The following ADAMTS7 variants were observed in gnomAD, a reference collection of about 807,000 sequenced individuals.
ADAMTS7 encodes the protein ADAM metallopeptidase with thrombospondin type 1 motif 7.
ADAMTS7 carries 89 observed loss-of-function variants against 172.6 expected under a neutral mutation model. The ratio of observed to expected loss-of-function variants is 0.52; its 90% CI spans 0.43 to 0.61. ADAMTS7 has a LOEUF of 0.61. ADAMTS7 is among the 20% of genes least tolerant of loss of function. The probability of loss-of-function intolerance (pLI) is 0.00; values close to 1 mark genes in which losing one functional copy is unlikely to be tolerated. For missense variants in ADAMTS7, 1,973 were observed against 2,355.6 expected, an observed-to-expected ratio of 0.84 and a Z score of 3.36; for synonymous variants, 885 against 978.4, an observed-to-expected ratio of 0.90 and a Z score of 1.78.
intron 20 of ADAMTS7, 124 bp from the exon 21 acceptor site, chr15:78,764,223 C>A (rs925997345): frequency 7.4e-7 from 1 of 1,345,156 alleles, no homozygotes; most frequent in Non-Finnish European, 9.9e-7. Flanking sequence ...AGCTGAAGAA[C>A]CCCAGCGAGA....
At chr15:78,796,857 C>T in intron 3 of ADAMTS7, 71 bp from the exon 4 acceptor site, 1 of 1,380,234 alleles carries the variant, frequency 7.2e-7, no homozygotes, top group Non-Finnish European at 9.7e-7. Context: ...AGGGCCTCTC[C>T]TCAGTGAGCT....
At chr15:78,791,380 G>A (rs748590913) in intron 4 of ADAMTS7, among the ~76,000 whole-genome samples, 157 bp from the exon 5 acceptor site, 44 of 150,974 alleles carry the variant, frequency 2.9e-4, no homozygotes, top group Admixed American at 1.1e-3. Context: ...GTGGACAGGC[G>A]ATGCATGTGC....
Position 78,764,658 on chromosome 15 carries a change from C to T in ADAMTS7, c.4316G>A (p.Ser1439Asn), listed in dbSNP as rs1262960937. 2 of 1,575,552 alleles carry T rather than the reference C, an allele frequency of 1.3e-6. No homozygotes were observed. Among genetic ancestry groups the T allele is most frequent in the Non-Finnish European group, 1.7e-6 (2 of 1,169,720 alleles). Residue 1439 changes from serine to asparagine, a missense_variant, in exon 20 of 24, where the codon AGC becomes AAC. Physicochemically the swap from Ser to Asn is conservative, Grantham distance 46. Coordinates refer to ENST00000388820, the MANE Select transcript of ADAMTS7 (RefSeq NM_014272.5). ...GGCGCAGTCCTCATCCCGGCCGGAG[C>T]TACAGCGCACCGGCCTCCAGACCGC... is the stretch of plus-strand genomic sequence containing the variant. ...LGAVWRPVRC[S>N]SGRDEDCAPA...
chr15:78,785,376 C>A (rs543888590), intron 8 of ADAMTS7, among the ~76,000 whole-genome samples: 4 of 152,004 alleles, frequency 2.6e-5, no homozygotes, highest in African/African-American at 9.6e-5. Flanking sequence ...ATGGAAACCC[C>A]ATCTCTACTA....
intron 8 of ADAMTS7, 90 bp downstream of exon 8, chr15:78,788,141 C>T: frequency 1.3e-6 from 2 of 1,539,112 alleles, no homozygotes. Flanking sequence ...TTCCCTCTAC[C>T]CCGGCCCTGC....
At chr15:78,781,637 C>T (rs554967656) in intron 8 of ADAMTS7, among the ~76,000 whole-genome samples, 32 of 152,188 alleles carry the variant, frequency 2.1e-4, no homozygotes, top group Non-Finnish European at 4.1e-4. Context: ...GTCTGTCTGT[C>T]CTAGAACCAG....
At chr15:78,788,205 T>C (rs1219882995) in intron 8 of ADAMTS7, 26 bp downstream of exon 8, 3 of 1,612,504 alleles carry the variant, frequency 1.9e-6, no homozygotes, top group East Asian at 2.2e-5. Flanking sequence ...GATCAAGGTA[T>C]AGGGGCCCAG....
chr15:78,766,676 C>T lies in ADAMTS7; in HGVS notation c.3235G>A (p.Gly1079Arg), dbSNP rs142710954. 1.0e-4 allele frequency: 169 copies of T among 1,610,764 alleles called. 1 individual carries two copies. Among genetic ancestry groups the T allele is most frequent in the Non-Finnish European group, 1.3e-4 (155 of 1,179,798 alleles). Residue 1079 changes from glycine (G) to arginine (R), a missense_variant, in exon 19 of 24, where the codon GGG becomes AGG. Transcript: ENST00000388820. The stretch of plus-strand genomic sequence containing the variant: ...TCTAGATCGGGCTCCTCAGAGGGCC[C>T]GTAGGACAGATCCTCGTGGAAATTG... ...FINFHEDLSY[G>R]PSEEPDLDLA...
Position 78,777,473 on chromosome 15 carries a change from C to G in ADAMTS7, c.1438G>C (p.Ala480Pro). 6.2e-7 allele frequency: 1 copy of G among 1,612,986 alleles called. No homozygotes were observed. The highest frequency in any genetic ancestry group is 8.5e-7 in the Non-Finnish European group (1 of 1,179,612). Reference protein sequence around the residue: ...VSHQCRLQYGAYSAFCEDMDN... With the variant: ...VSHQCRLQYGPYSAFCEDMDN... The stretch of plus-strand genomic sequence containing the variant: ...ATGTCCTCGCAGAAGGCAGAGTAGG[C>G]CCCGTACTGGAGGCGGCACTGGTGG... The change falls in exon 9 of 24, where the codon GCC becomes CCC. Residue 480 changes from alanine (A) to proline (P), a missense_variant. Ala to Pro is a conservative substitution (Grantham distance 27, BLOSUM62 -1). This residue lies in a region of ADAMTS7 where 526 missense variants were observed against 662.9 expected (regional missense o/e 0.79). Transcript: ENST00000388820.
At chr15:78,789,896 A>G in intron 6 of ADAMTS7, 58 bp from the exon 7 acceptor site, 1 of 1,529,750 alleles carries the variant, frequency 6.5e-7, no homozygotes, top group Non-Finnish European at 8.8e-7. Context: ...GGCCCACCTG[A>G]GCTAAGGCCA....
In ADAMTS7 at chr15:78,811,178, G is replaced by A; in HGVS notation, c.43C>T (p.Arg15Cys). 1.6e-6 allele frequency: 2 copies of A among 1,229,944 alleles called. No individual in the cohort carries two copies. The highest frequency in any genetic ancestry group is 2.0e-6 in the Non-Finnish European group (2 of 986,706). The allele number at this position is 1,229,944 out of a possible 1,614,324, so 76.2% of individuals were successfully genotyped here. ...GCGCAGAGGAGCAGGAGGAGGGGGCGCAGCAAAGGCGCGGGGCTGCGGGGA... is the reference window on the plus strand; with the variant it reads ...GCGCAGAGGAGCAGGAGGAGGGGGCACAGCAAAGGCGCGGGGCTGCGGGGA... ...PSPRSPAPLL[R>C]PLLLLLCALA... The change falls in exon 1 of 24, where the codon CGC becomes TGC. Residue 15 changes from arginine to cysteine, a missense_variant. Around this residue, in one of 8 missense-constraint regions of ADAMTS7, gnomAD observed 306 missense variants for 288.0 expected, o/e 1.06. Transcript: ENST00000388820.
chr15:78,793,160 C>G (rs1177380991), intron 4 of ADAMTS7, among the ~76,000 whole-genome samples: 1 of 152,122 alleles, frequency 6.6e-6, no homozygotes, highest in Non-Finnish European at 1.5e-5. Context: ...CAATTATCCT[C>G]GTTTTACAAA....
chr15:78,779,384 A>G (rs1397972889), intron 8 of ADAMTS7, among the ~76,000 whole-genome samples: 2 of 152,106 alleles, frequency 1.3e-5, no homozygotes, highest in South Asian at 4.1e-4. Flanking sequence ...GGGTCGCACA[A>G]GAGAGATGTG....
intron 16 of ADAMTS7, 120 bp from the exon 17 acceptor site, chr15:78,768,379 C>G: frequency 7.0e-7 from 1 of 1,424,914 alleles, no homozygotes; most frequent in Non-Finnish European, 9.6e-7. Context: ...GTCAGGATGC[C>G]TTACTGCCCA....
intron 9 of ADAMTS7, 116 bp downstream of exon 9, chr15:78,777,328 G>A (rs1029878343): frequency 2.0e-5 from 28 of 1,382,438 alleles, no homozygotes; most frequent in East Asian, 1.0e-4. Context: ...ACTCAGGGGC[G>A]CAGCCCAGGC....
At chr15:78,791,433 A>G (rs932028937) in intron 4 of ADAMTS7, among the ~76,000 whole-genome samples, 5 of 152,258 alleles carry the variant, frequency 3.3e-5, no homozygotes, top group African/African-American at 7.2e-5. Context: ...CACTGCCCCA[A>G]TGTGGCAGCA....
intron 22 of ADAMTS7, among the ~76,000 whole-genome samples, chr15:78,763,492 C>T (rs1227743889): frequency 1.3e-5 from 2 of 152,238 alleles, no homozygotes; most frequent in African/African-American, 2.4e-5. Context: ...CCTTGGAAGG[C>T]CTTCCCTGAC....
At chr15:78,765,552 G>A (rs528951132) in intron 19 of ADAMTS7, 93 bp downstream of exon 19, 38 of 1,569,354 alleles carry the variant, frequency 2.4e-5, no homozygotes, top group African/African-American at 1.5e-4. Context: ...CTAGACAGAC[G>A]GCGCCTGTGT....
rs559234547 is a variant in ADAMTS7 at position 78,768,254 on chromosome 15, G to A, written c.2524C>T (p.Gln842Ter). 1 of 1,610,704 alleles carries A rather than the reference G, an allele frequency of 6.2e-7. No individual in the cohort carries two copies. Among genetic ancestry groups the A allele is most frequent in the African/African-American group, 1.3e-5 (1 of 74,892 alleles). Residue 842 changes from glutamine to a stop codon, truncating the protein, a stop_gained, in exon 17 of 24, where the codon CAG becomes TAG. Coordinates refer to ENST00000388820, the MANE Select transcript of ADAMTS7 (RefSeq NM_014272.5). LOFTEE classifies it high-confidence loss of function. Reference sequence around the variant, plus strand: ...TCCAAGCAGTACACATTCTGCCTCTGCACACCTAGGGGCCACGGGGCTCAG... The same window carrying A: ...TCCAAGCAGTACACATTCTGCCTCTACACACCTAGGGGCCACGGGGCTCAG... ...KCTVTCGRGV[Q>*]RQNVYCLERQ... is the part of the protein sequence containing the mutation.
Sources: gnomAD v4.1 joint callset for allele counts (sites outside exome capture counted in the v4.1 genomes callset) on GRCh38, gnomAD v4.1.1 for gene constraint, gnomAD v4.1.1 regional missense constraint, MANE v1.5 for transcripts, NCBI Gene and HGNC (gene_info 2026-07-23, HGNC 2026-07-21) for gene names.